The following ADGRL3 variants were observed in gnomAD, a reference collection of about 807,000 sequenced individuals.
ADGRL3 encodes the protein adhesion G protein-coupled receptor L3.
Under a neutral mutation model 153.5 loss-of-function variants are expected in ADGRL3, and 62 were observed. That is an observed-to-expected ratio of 0.40 (90% CI 0.33 to 0.50). ADGRL3 has a LOEUF of 0.50. Ranked by LOEUF, ADGRL3 falls within the 20% of genes least tolerant of loss-of-function variation. The pLI is 0.47. For synonymous variants in ADGRL3, 710 were observed against 672.5 expected (o/e 1.06, Z -0.86); for missense variants, 1,641 against 1,859.4 (o/e 0.88, Z 2.16).
At chr4:61,744,725 C>G (rs2151959608) in intron 8 of ADGRL3, among the ~76,000 whole-genome samples, 1 of 152,244 alleles carries the variant, frequency 6.6e-6, no homozygotes, top group African/African-American at 2.4e-5. Context: ...ACATCACCAT[C>G]ATCAAAGACC....
At chr4:61,688,920 T>C (rs927120431) in intron 6 of ADGRL3, among the ~76,000 whole-genome samples, 7 of 152,184 alleles carry the variant, frequency 4.6e-5, no homozygotes, top group Non-Finnish European at 8.8e-5. Context: ...CCCCAGGTGA[T>C]AGCTAAAATA....
Position 61,732,936 on chromosome 4 carries a change from G to T in ADGRL3, c.781G>T (p.Ala261Ser), listed in dbSNP as rs751961863. 10 of 1,613,752 alleles carry T rather than the reference G, an allele frequency of 6.2e-6. No homozygotes were observed. Among genetic ancestry groups the T allele is most frequent in the Non-Finnish European group, 8.5e-6 (10 of 1,179,822 alleles). Reference protein sequence around the residue: ...TEYSSKDDFIAGRPTTTYKLP... With the variant: ...TEYSSKDDFISGRPTTTYKLP... ...GTATTCATCCAAGGATGACTTCATT[G>T]CTGGAAGACCAACTACAACCTACAA... The change falls in exon 8 of 27, where the codon GCT (alanine) becomes TCT (serine). Residue 261 changes from alanine (A) to serine (S), a missense_variant. By Grantham distance (99) the Ala-to-Ser change is moderately conservative. Transcript: ENST00000683033.
chr4:61,893,041 C>G, intron 10 of ADGRL3, 83 bp downstream of exon 10: 2 of 792,650 alleles, frequency 2.5e-6, no homozygotes, highest in South Asian at 4.1e-5. Context: ...TTTCCTTCCT[C>G]CTTTCCTCCC....
chr4:62,063,481 T>C (rs1422219842), intron 25 of ADGRL3: 1 of 623,112 alleles, frequency 1.6e-6, no homozygotes, highest in Non-Finnish European at 2.9e-6. Flanking sequence ...TTTTTTTCTC[T>C]GTCTTTCTAT....
At chr4:61,939,364 T>C (rs1489703260) in intron 15 of ADGRL3, among the ~76,000 whole-genome samples, 1 of 152,162 alleles carries the variant, frequency 6.6e-6, no homozygotes, top group Non-Finnish European at 1.5e-5. Context: ...CTCTTCTGTA[T>C]GCAGAAAATA....
intron 17 of ADGRL3, among the ~76,000 whole-genome samples, chr4:61,966,432 T>C (rs145932795): frequency 6.6e-6 from 1 of 152,302 alleles, no homozygotes; most frequent in East Asian, 1.9e-4. Context: ...AGGTAATGAC[T>C]CTGTAAGAAT....
At chr4:61,957,216 C>A (rs753955261) in intron 17 of ADGRL3, among the ~76,000 whole-genome samples, 1 of 152,082 alleles carries the variant, frequency 6.6e-6, no homozygotes, top group Non-Finnish European at 1.5e-5. Flanking sequence ...TTTCTTTGAA[C>A]AGTGGTTTGT....
chr4:62,070,149 T>C lies in ADGRL3; in HGVS notation c.3873T>C (p.Asp1291=). Residue 1291 remains aspartate (D), a synonymous_variant, in exon 27 of 27, where the codon GAT becomes GAC. Coordinates refer to ENST00000683033, the MANE Select transcript of ADGRL3 (RefSeq NM_001387552.1). ...ATGCCAGGGATACAAGTGTCATGGA[T>C]ACTCTACCACTGAATGGTAACCATG... ...LNNARDTSVM[D]TLPLNGNHGN... 6.2e-7 allele frequency: 1 copy of C among 1,614,054 alleles called. No homozygotes were observed. The highest frequency in any genetic ancestry group is 8.5e-7 in the Non-Finnish European group (1 of 1,179,988).
chr4:61,557,290 A>G (rs2098771624), intron 4 of ADGRL3, among the ~76,000 whole-genome samples: 1 of 152,174 alleles, frequency 6.6e-6, no homozygotes, highest in Non-Finnish European at 1.5e-5. Flanking sequence ...ACATTAGAAT[A>G]CTTCATCCTT....
chr4:61,633,274 G>A (rs2093273271), intron 5 of ADGRL3, among the ~76,000 whole-genome samples: 1 of 38,942 alleles, frequency 2.6e-5, no homozygotes, highest in Admixed American at 2.0e-4. Flanking sequence ...CACACACTTA[G>A]GCTTGACATC....
At chr4:62,005,895 G>A (rs1313138209) in intron 21 of ADGRL3, among the ~76,000 whole-genome samples, 1 of 140,358 alleles carries the variant, frequency 7.1e-6, no homozygotes, top group African/African-American at 2.6e-5. Flanking sequence ...GAAAATTGTG[G>A]ATATGTTTCA....
chr4:61,311,861 A>G (rs112529953), intron 1 of ADGRL3, among the ~76,000 whole-genome samples: 25 of 152,156 alleles, frequency 1.6e-4, no homozygotes, highest in African/African-American at 5.8e-4. Flanking sequence ...TACACAACCA[A>G]GAGAAAACTG....
chr4:61,317,287 C>T (rs933035111), intron 1 of ADGRL3, among the ~76,000 whole-genome samples: 5 of 152,150 alleles, frequency 3.3e-5, no homozygotes, highest in African/African-American at 9.7e-5. Flanking sequence ...GCTATTTGTA[C>T]TGCTAAAGAA....
At chr4:61,333,912 T>C (rs1016424812) in intron 1 of ADGRL3, among the ~76,000 whole-genome samples, 1 of 134,658 alleles carries the variant, frequency 7.4e-6, no homozygotes, top group African/African-American at 2.6e-5. Context: ...CACTGTGCCC[T>C]GCCTGTATTT....
chr4:61,502,461 G>T (rs1032781799), intron 3 of ADGRL3, among the ~76,000 whole-genome samples: 3 of 147,502 alleles, frequency 2.0e-5, no homozygotes, highest in African/African-American at 7.6e-5. Context: ...TAAAAAAAAT[G>T]CTTGTAGAAC....
rs149881284 is a variant in ADGRL3 at position 61,904,642 on chromosome 4, A to G, written c.1888-4918A>G. 4.7e-3 allele frequency among the ~76,000 whole-genome samples: 707 copies of G among 150,734 alleles called. 5 individuals carry two copies. The highest frequency in any genetic ancestry group is 0.017 in the African/African-American group (686 of 41,010). ...CGTTTCCCACTCCAATAATACAATA[A>G]TTAATATTGAAAACTATGTTTGTAT... is the stretch of plus-strand genomic sequence containing the variant. On this transcript the variant is annotated intron_variant, in intron 11 of 26. Coordinates refer to ENST00000683033, the MANE Select transcript of ADGRL3 (RefSeq NM_001387552.1).
intron 8 of ADGRL3, among the ~76,000 whole-genome samples, chr4:61,799,696 A>G (rs778065696): frequency 2.0e-5 from 3 of 152,138 alleles, no homozygotes; most frequent in Non-Finnish European, 2.9e-5. Flanking sequence ...CCAGCTTCTT[A>G]TTCACCAAGC....
intron 17 of ADGRL3, among the ~76,000 whole-genome samples, chr4:61,977,586 T>C (rs1226614442): frequency 2.0e-5 from 3 of 152,184 alleles, no homozygotes; most frequent in Non-Finnish European, 4.4e-5. Flanking sequence ...AACTGCTTCA[T>C]TGACAGTATT....
chr4:61,853,161 G>C (rs947518764), intron 9 of ADGRL3, among the ~76,000 whole-genome samples: 15 of 152,010 alleles, frequency 9.9e-5, no homozygotes, highest in Non-Finnish European at 1.3e-4. Flanking sequence ...ACTGAATTCT[G>C]TGTTTGGTCT....
Sources: allele counts gnomAD v4.1 joint callset (sites outside exome capture counted in the v4.1 genomes callset), GRCh38; gene constraint gnomAD v4.1.1; transcripts MANE v1.5; gene names NCBI Gene and HGNC (gene_info 2026-07-23, HGNC 2026-07-21).